WWOX: variants seen among roughly 807,000 people sequenced by gnomAD.
WWOX encodes the protein WW domain containing oxidoreductase.
A neutral mutation model predicts 46.2 loss-of-function variants in WWOX; 69 were observed. The ratio of observed to expected loss-of-function variants is 1.49; its 90% CI spans 1.23 to 1.82. The LOEUF (loss-of-function observed/expected upper bound fraction) is 1.82. WWOX is among the 40% of genes most tolerant of loss of function. The pLI, the probability that WWOX is intolerant of heterozygous loss-of-function variation, is 0.00. For missense variants in WWOX, 919 were observed against 542.6 expected (o/e 1.69, Z -6.89); for synonymous variants, 359 against 202.6 (o/e 1.77, Z -6.56).
chr16:79,009,104 C>T (rs1225535321), intron 8 of WWOX, among the ~76,000 whole-genome samples: 2 of 152,216 alleles, frequency 1.3e-5, no homozygotes, highest in East Asian at 3.9e-4. Context: ...GAGGTGTCCG[C>T]AGGCCTCCTG....
intron 8 of WWOX, among the ~76,000 whole-genome samples, chr16:78,875,144 G>T (rs927179833): frequency 6.6e-6 from 1 of 152,154 alleles, no homozygotes. Context: ...TACTTCATGG[G>T]TTTGAATTCA....
intron 8 of WWOX, among the ~76,000 whole-genome samples, chr16:78,655,580 C>G (rs1282041693): frequency 1.3e-5 from 2 of 151,974 alleles, no homozygotes; most frequent in African/African-American, 4.8e-5. Flanking sequence ...AATTGATGCA[C>G]TTTAATTTTG....
intron 5 of WWOX, among the ~76,000 whole-genome samples, chr16:78,181,437 A>C (rs1011809328): frequency 6.6e-6 from 1 of 152,190 alleles, no homozygotes; most frequent in African/African-American, 2.4e-5. Context: ...AAAGCCCCTA[A>C]AGCGGCCAGG....
chr16:78,879,101 A>G (rs1048219434), intron 8 of WWOX, among the ~76,000 whole-genome samples: 2 of 152,030 alleles, frequency 1.3e-5, no homozygotes, highest in Admixed American at 1.3e-4. Flanking sequence ...ACTAGAAACA[A>G]ATTAACTTCT....
At chr16:78,273,151 T>G (rs2079512882) in intron 5 of WWOX, among the ~76,000 whole-genome samples, 1 of 152,210 alleles carries the variant, frequency 6.6e-6, no homozygotes, top group African/African-American at 2.4e-5. Flanking sequence ...TTCTCAAGTC[T>G]GTTCTCCGCC....
intron 8 of WWOX, among the ~76,000 whole-genome samples, chr16:78,601,133 C>T (rs569311361): frequency 1.3e-5 from 2 of 152,184 alleles, no homozygotes; most frequent in Non-Finnish European, 2.9e-5. Flanking sequence ...CCTCGCACAG[C>T]AGGGATGGAG....
At chr16:78,498,643 A>G (rs1294256639) in intron 8 of WWOX, among the ~76,000 whole-genome samples, 1 of 152,178 alleles carries the variant, frequency 6.6e-6, no homozygotes, top group Non-Finnish European at 1.5e-5. Flanking sequence ...TTGTTTCACT[A>G]ATTCTGTAAA....
chr16:78,554,442 A>G (rs1422487074), intron 8 of WWOX, among the ~76,000 whole-genome samples: 1 of 152,214 alleles, frequency 6.6e-6, no homozygotes, highest in Non-Finnish European at 1.5e-5. Context: ...AGTAAAACCT[A>G]GCATATGAAA....
At chr16:79,207,188 C>G (rs555063192) in intron 8 of WWOX, among the ~76,000 whole-genome samples, 7 of 152,340 alleles carry the variant, frequency 4.6e-5, no homozygotes, top group Non-Finnish European at 7.3e-5. Flanking sequence ...AAATGTAGCT[C>G]TCTGATAAAT....
At chr16:79,073,658 C>T (rs973565774) in intron 8 of WWOX, among the ~76,000 whole-genome samples, 1 of 152,216 alleles carries the variant, frequency 6.6e-6, no homozygotes, top group Non-Finnish European at 1.5e-5. Context: ...TTTCAACAGC[C>T]TGGGAAGAGA....
intron 8 of WWOX, among the ~76,000 whole-genome samples, chr16:78,758,358 G>T (rs2049708658): frequency 6.6e-6 from 1 of 152,164 alleles, no homozygotes; most frequent in South Asian, 2.1e-4. Flanking sequence ...AAGATCTTTT[G>T]CAAGTAGATT....
At chr16:78,417,869 C>T (rs1034535645) in intron 6 of WWOX, among the ~76,000 whole-genome samples, 3 of 152,208 alleles carry the variant, frequency 2.0e-5, no homozygotes, top group East Asian at 1.9e-4. Flanking sequence ...GCAACTGACC[C>T]CAACCACACC....
intron 8 of WWOX, among the ~76,000 whole-genome samples, chr16:78,803,200 G>C (rs1161430317): frequency 6.6e-6 from 1 of 151,010 alleles, no homozygotes; most frequent in African/African-American, 2.4e-5. Flanking sequence ...AACCACATAG[G>C]TTCTTCCTTA....
rs1450404516 is a variant in WWOX at position 79,084,388 on chromosome 16, A to G, written c.1057-127220A>G. Among the ~76,000 whole-genome samples the G allele has an allele frequency of 2.0e-5, 3 of 152,202 alleles. No individual in the cohort carries two copies. In the East Asian group the frequency reaches 5.8e-4, roughly 29 times the overall value. On this transcript the variant is annotated intron_variant, in intron 8 of 8. Coordinates refer to ENST00000566780, the MANE Select transcript of WWOX (RefSeq NM_016373.4). ...CAGGAATAAATAATGTAAAATATAA[A>G]TAATTCCTAAAATGGTGATAACAGC...
At chr16:78,165,807 A>G (rs1253379617) in intron 5 of WWOX, among the ~76,000 whole-genome samples, 1 of 152,258 alleles carries the variant, frequency 6.6e-6, no homozygotes, top group African/African-American at 2.4e-5. Context: ...ATGATGAAAT[A>G]TTTGAAATTC....
At chr16:78,761,742 A>G (rs2049799484) in intron 8 of WWOX, among the ~76,000 whole-genome samples, 1 of 152,142 alleles carries the variant, frequency 6.6e-6, no homozygotes, top group African/African-American at 2.4e-5. Flanking sequence ...TTGAAATCCC[A>G]CATTCTTTTT....
At chr16:78,919,320 G>T (rs984994658) in intron 8 of WWOX, among the ~76,000 whole-genome samples, 3 of 151,806 alleles carry the variant, frequency 2.0e-5, no homozygotes, top group African/African-American at 7.3e-5. Flanking sequence ...AACTCACCCA[G>T]GATCAAGCAG....
chr16:78,360,162 A>G (rs1194349969), intron 5 of WWOX, among the ~76,000 whole-genome samples: 1 of 152,210 alleles, frequency 6.6e-6, no homozygotes, highest in Non-Finnish European at 1.5e-5. Flanking sequence ...TCAACAATCA[A>G]TATTACTTTC....
intron 5 of WWOX, among the ~76,000 whole-genome samples, chr16:78,204,489 A>C (rs1034560831): frequency 1.4e-5 from 2 of 145,962 alleles, no homozygotes; most frequent in African/African-American, 2.6e-5. Flanking sequence ...TGTGTTGTCA[A>C]ATAGTAGGTC....
Sources: gnomAD v4.1 joint callset for allele counts (sites outside exome capture counted in the v4.1 genomes callset) on GRCh38, gnomAD v4.1.1 for gene constraint, MANE v1.5 for transcripts, NCBI Gene and HGNC (gene_info 2026-07-23, HGNC 2026-07-21) for gene names.